The following MIA2 variants were observed in gnomAD, a reference collection of about 807,000 sequenced individuals.
The protein encoded by MIA2 is melanoma inhibitory activity protein 2.
In MIA2, 127 loss-of-function variants were observed where a neutral mutation model predicts 167.8. The ratio of observed to expected loss-of-function variants is 0.76; its 90% CI spans 0.66 to 0.88. The LOEUF (loss-of-function observed/expected upper bound fraction) is 0.88. Ranked by LOEUF, MIA2 falls within the 40% of genes least tolerant of loss-of-function variation. The pLI, the probability that MIA2 is intolerant of heterozygous loss-of-function variation, is 0.00. For synonymous variants in MIA2, 552 were observed against 541.9 expected, an observed-to-expected ratio of 1.02 and a Z score of -0.26; for missense variants, 1,690 against 1,624.7, an observed-to-expected ratio of 1.04 and a Z score of -0.69.
intron 25 of MIA2, among the ~76,000 whole-genome samples, chr14:39,336,972 T>C (rs2070564705): frequency 6.6e-6 from 1 of 152,166 alleles, no homozygotes; most frequent in African/African-American, 2.4e-5. Flanking sequence ...CCCAGTCTGG[T>C]GTCAAACTCT....
intron 9 of MIA2, among the ~76,000 whole-genome samples, chr14:39,288,856 G>A (rs1250916615): frequency 6.6e-6 from 1 of 152,038 alleles, no homozygotes; most frequent in Non-Finnish European, 1.5e-5. Context: ...TCAATTTGCT[G>A]ATATTTTATT....
In MIA2 at chr14:39,314,464, A is replaced by G. The variant is rs576865497; in HGVS notation, c.3120-275A>G. On this transcript the variant is annotated intron_variant, in intron 19 of 28. Transcript: ENST00000640607. ...TTAAAAATAAAAAAAAAACAACACA[A>G]TATACCACGTAAATATTTATGTGAC... Among the ~76,000 whole-genome samples, 4 of 152,046 alleles carry G rather than the reference A, an allele frequency of 2.6e-5. No homozygotes were observed. The South Asian group carries it at 6.2e-4, about 24-fold the overall frequency.
At chr14:39,273,806 T>A (rs137956858) in intron 6 of MIA2, among the ~76,000 whole-genome samples, 2 of 152,338 alleles carry the variant, frequency 1.3e-5, no homozygotes, top group African/African-American at 4.8e-5. Flanking sequence ...TCTTGTGTGA[T>A]GTATTTGTCT....
rs1555375949 is a variant in MIA2 at position 39,298,542 on chromosome 14, T to TTTTTTTTG, written c.2497-1315_2497-1314insGTTTTTTT. ...TTGGTAGAACAGAGTTTTTTTTTTTTTTTTTTTTTTTTGTGAGCAACATGG... is the reference window on the plus strand; with the variant it reads ...TTGGTAGAACAGAGTTTTTTTTTTTTTTTTTTTGTTTTTTTTTTTTGTGAGCAACATGG... On this transcript the variant is annotated intron_variant, in intron 13 of 28. Transcript: ENST00000640607. Among the ~76,000 whole-genome samples the TTTTTTTTG allele has an allele frequency of 2.1e-4, 20 of 96,994 alleles. 4 individuals carry two copies. Among genetic ancestry groups the TTTTTTTTG allele is most frequent in the South Asian group, 1.9e-3 (5 of 2,620 alleles). The allele number at this position is 96,994 out of a possible 152,430, so 63.6% of individuals were successfully genotyped here.
chr14:39,322,719 T>C (rs1351840070), intron 24 of MIA2, among the ~76,000 whole-genome samples: 1 of 152,128 alleles, frequency 6.6e-6, no homozygotes, highest in East Asian at 1.9e-4. Flanking sequence ...AGTTTTCCTT[T>C]TTTGATCTCT....
At chr14:39,248,465 A>G (rs1050533233) in intron 4 of MIA2, among the ~76,000 whole-genome samples, 1 of 151,904 alleles carries the variant, frequency 6.6e-6, no homozygotes, top group Non-Finnish European at 1.5e-5. Flanking sequence ...TGACAAAAGC[A>G]ATTTCTGTTC....
At chr14:39,350,857 C>A (rs987850046), downstream of MIA2, 3 of 152,008 alleles carry the variant, frequency 2.0e-5, no homozygotes, top group African/African-American at 7.2e-5. Flanking sequence ...TTTTAAAAGT[C>A]AAAATTGATT....
At chr14:39,375,640 T>G (rs1427893852) in intron 23 of MIA2, among the ~76,000 whole-genome samples, 2 of 152,130 alleles carry the variant, frequency 1.3e-5, no homozygotes, top group Admixed American at 6.5e-5. Context: ...GAAGTTGCAG[T>G]GAGTGGAGAT....
At chr14:39,323,019 T>C (rs1039120092) in intron 24 of MIA2, among the ~76,000 whole-genome samples, 7 of 152,196 alleles carry the variant, frequency 4.6e-5, no homozygotes, top group Non-Finnish European at 1.0e-4. Flanking sequence ...GTATTACTCA[T>C]CTAAATAGTA....
intron 25 of MIA2, among the ~76,000 whole-genome samples, chr14:39,337,143 A>G (rs1011940971): frequency 6.6e-6 from 1 of 152,236 alleles, no homozygotes; most frequent in African/African-American, 2.4e-5. Context: ...TAAGAAACTC[A>G]TTCGAATATA....
In MIA2 at chr14:39,326,929, G is replaced by T. The variant is rs371641361; in HGVS notation, c.3562G>T (p.Asp1188Tyr). ...ITNERGESSCDRLTDPHRAPS... is the reference protein window; with the variant it reads ...ITNERGESSCYRLTDPHRAPS... The stretch of plus-strand genomic sequence containing the variant: ...CAATGAAAGAGGAGAATCAAGCTGT[G>T]ATAGGTTAACCGATCCTCATAGGGC... The change falls in exon 25 of 29, where the codon GAT (aspartate) becomes TAT (tyrosine). Residue 1188 changes from aspartate (D) to tyrosine (Y), a missense_variant. By Grantham distance (160) the Asp-to-Tyr change is radical. Transcript: ENST00000640607. 27 of 1,598,272 alleles carry T rather than the reference G, an allele frequency of 1.7e-5. No homozygotes were observed.
chr14:39,351,399 A>T (rs12894762), downstream of MIA2: 3 of 151,354 alleles, frequency 2.0e-5, no homozygotes, highest in Non-Finnish European at 4.4e-5. Context: ...AACAAAAAAC[A>T]AAAAACTAAA....
At chr14:39,292,774 G>T in intron 10 of MIA2, 1 of 186,616 alleles carries the variant, frequency 5.4e-6, no homozygotes, top group Non-Finnish European at 1.1e-5. Context: ...AAATTAAAAA[G>T]GTCATAGAAA....
chr14:39,367,369 G>C (rs1460974406), intron 23 of MIA2, among the ~76,000 whole-genome samples: 2 of 152,336 alleles, frequency 1.3e-5, no homozygotes, highest in African/African-American at 2.4e-5. Flanking sequence ...TAGTCTGGTG[G>C]GGCTGGATTT....
rs148985998 is a variant in MIA2, at chr14:39,348,164, A to G, written c.3837+393A>G. Among the ~76,000 whole-genome samples, 62 of 152,326 alleles carry G rather than the reference A, an allele frequency of 4.1e-4. 1 individual carries two copies. The East Asian group carries it at 0.011, about 26-fold the overall frequency. On this transcript the variant is annotated intron_variant, in intron 27 of 28. Coordinates refer to ENST00000640607, the MANE Select transcript of MIA2 (RefSeq NM_001329214.4). ...TTCTAATCTCATGCTTTACTAGAATAGAAATATAGCTAATAATCTAGGTTT... is the reference window on the plus strand; with the variant it reads ...TTCTAATCTCATGCTTTACTAGAATGGAAATATAGCTAATAATCTAGGTTT...
chr14:39,353,300 T>C (rs1165700592), downstream of MIA2, among the ~76,000 whole-genome samples: 4 of 152,208 alleles, frequency 2.6e-5, no homozygotes, highest in South Asian at 8.3e-4. Flanking sequence ...TTCATCTAAC[T>C]GTATGTTTGT....
At chr14:39,243,896 C>T (rs564740983) in intron 3 of MIA2, among the ~76,000 whole-genome samples, 3 of 151,922 alleles carry the variant, frequency 2.0e-5, no homozygotes, top group South Asian at 2.1e-4. Context: ...AATGAAGACC[C>T]GAAGATACAG....
chr14:39,238,793 C>CAGAAAAAAAAAA (rs2053891493), intron 2 of MIA2, among the ~76,000 whole-genome samples: 1 of 30,806 alleles, frequency 3.2e-5, no homozygotes, highest in Admixed American at 4.8e-4. Flanking sequence ...GACCCTGTCT[C>CAGAAAAAAAAAA]AAAAAAAAAA....
intron 23 of MIA2, among the ~76,000 whole-genome samples, chr14:39,362,422 TATTTGTCTAGGA>T (rs2074703703): frequency 6.6e-6 from 1 of 152,154 alleles, no homozygotes; most frequent in Non-Finnish European, 1.5e-5. Flanking sequence ...TGGTAGATTG[TATTTGTCTAGGA>T]ATTTATCCAT....
Sources: allele counts gnomAD v4.1 joint callset (sites outside exome capture counted in the v4.1 genomes callset), GRCh38; gene constraint gnomAD v4.1.1; transcripts MANE v1.5; gene names NCBI Gene and HGNC (gene_info 2026-07-23, HGNC 2026-07-21).